PGCKA1: variants seen among roughly 807,000 people sequenced by gnomAD.
PGCKA1 encodes PDCD10 and GCKIII kinases-associated protein 1.
the PGCKA1 span, among the ~76,000 whole-genome samples, chr4:37,554,375 A>G: frequency 0.36 from 55,021 of 151,988 alleles, 10,393 homozygotes; most frequent in East Asian, 0.5. Flanking sequence ...ATTTAGAGGC[A>G]GAGTCTTGCT....
the PGCKA1 span, among the ~76,000 whole-genome samples, chr4:37,474,104 C>T: frequency 1.3e-5 from 2 of 152,134 alleles, no homozygotes; most frequent in Non-Finnish European, 2.9e-5. Flanking sequence ...ATTTAATCCT[C>T]AATGCAACAG....
the PGCKA1 span, among the ~76,000 whole-genome samples, chr4:37,556,441 G>C: frequency 1.5e-5 from 2 of 130,660 alleles, no homozygotes; most frequent in African/African-American, 3.1e-5. Context: ...TTAATTTTTT[G>C]TATTTTTAGT....
At chr4:37,478,351 G>T in the PGCKA1 span, among the ~76,000 whole-genome samples, 3 of 152,034 alleles carry the variant, frequency 2.0e-5, no homozygotes, top group Admixed American at 6.5e-5. Context: ...CTCTAGGCCC[G>T]GAGCCAGTTC....
chr4:37,520,787 T>G, the PGCKA1 span, among the ~76,000 whole-genome samples: 2 of 152,078 alleles, frequency 1.3e-5, no homozygotes, highest in South Asian at 4.2e-4. Flanking sequence ...CTGGCTAAAT[T>G]TTTGTATTTT....
chr4:37,463,862 A>C, the PGCKA1 span, among the ~76,000 whole-genome samples: 4 of 152,078 alleles, frequency 2.6e-5, no homozygotes, highest in Non-Finnish European at 5.9e-5. Context: ...CTGAAACTGC[A>C]ACCCTTGACA....
chr4:37,503,405 G>A, the PGCKA1 span, among the ~76,000 whole-genome samples: 1 of 152,158 alleles, frequency 6.6e-6, no homozygotes, highest in East Asian at 1.9e-4. Context: ...CTCAGTGACA[G>A]CTGTTCCACC....
At chr4:37,531,620 T>C in the PGCKA1 span, among the ~76,000 whole-genome samples, 1 of 151,674 alleles carries the variant, frequency 6.6e-6, no homozygotes, top group East Asian at 1.9e-4. Flanking sequence ...AGGTCGGGCA[T>C]GGTGGCTCAC....
the PGCKA1 span, among the ~76,000 whole-genome samples, chr4:37,580,925 G>A: frequency 6.6e-6 from 1 of 152,172 alleles, no homozygotes; most frequent in Admixed American, 6.5e-5. Context: ...CTATTCTACT[G>A]GGGCTGAGCT....
the PGCKA1 span, among the ~76,000 whole-genome samples, chr4:37,475,037 G>A: frequency 6.6e-6 from 1 of 152,108 alleles, no homozygotes; most frequent in African/African-American, 2.4e-5. Context: ...TGTCAGTTAT[G>A]GAAGGTACAT....
At chr4:37,586,917 C>CAAACA in the PGCKA1 span, among the ~76,000 whole-genome samples, 16 of 152,026 alleles carry the variant, frequency 1.1e-4, no homozygotes, top group African/African-American at 2.9e-4. Flanking sequence ...CTCAAAAAAA[C>CAAACA]AAACAAAACA....
chr4:37,509,953 GAGAGAGAGGGAGCGGGAGACC>G, the PGCKA1 span, among the ~76,000 whole-genome samples: 1 of 133,526 alleles, frequency 7.5e-6, no homozygotes. Flanking sequence ...GGAGACCGTG[GAGAGAGAGGGAGCGGGAGACC>G]GTGGGAGAGG....
chr4:37,557,847 C>A, the PGCKA1 span, among the ~76,000 whole-genome samples: 2 of 152,194 alleles, frequency 1.3e-5, no homozygotes, highest in Non-Finnish European at 2.9e-5. Flanking sequence ...AAACCCCAGC[C>A]TGATAAATGT....
At chr4:37,455,039 G>A in the PGCKA1 span, among the ~76,000 whole-genome samples, 1 of 152,118 alleles carries the variant, frequency 6.6e-6, no homozygotes, top group Non-Finnish European at 1.5e-5. Context: ...TTCTTGCCCT[G>A]GTTTGTGGAT....
chr4:37,515,394 G>A, the PGCKA1 span, among the ~76,000 whole-genome samples: 1 of 152,066 alleles, frequency 6.6e-6, no homozygotes, highest in African/African-American at 2.4e-5. Context: ...AGTCACAAAG[G>A]TCCACCCAAG....
chr4:37,553,626 C>T, the PGCKA1 span, among the ~76,000 whole-genome samples: 1 of 152,094 alleles, frequency 6.6e-6, no homozygotes, highest in South Asian at 2.1e-4. Context: ...CCATGATGTG[C>T]CAATGATTGC....
At chr4:37,507,434 G>GT in the PGCKA1 span, among the ~76,000 whole-genome samples, 1 of 151,710 alleles carries the variant, frequency 6.6e-6, no homozygotes, top group Non-Finnish European at 1.5e-5. Flanking sequence ...TATTTTTTGT[G>GT]TATCCATTGT....
At chr4:37,480,515 A>C in the PGCKA1 span, among the ~76,000 whole-genome samples, 10 of 152,284 alleles carry the variant, frequency 6.6e-5, no homozygotes, top group East Asian at 1.9e-4. Context: ...AACAAACAAA[A>C]AAAACTGAGA....
At chr4:37,480,989 C>G in the PGCKA1 span, among the ~76,000 whole-genome samples, 5 of 152,156 alleles carry the variant, frequency 3.3e-5, no homozygotes, top group Non-Finnish European at 5.9e-5. Flanking sequence ...TAATAATGTG[C>G]ACGTCAGCAC....
At chr4:37,477,061 A>T in the PGCKA1 span, among the ~76,000 whole-genome samples, 1,910 of 152,334 alleles carry the variant, frequency 0.013, 61 homozygotes, top group East Asian at 0.11. Context: ...CAAGGAAAAA[A>T]ACATACGTTT....
Sources: gnomAD v4.1 joint callset for allele counts (sites outside exome capture counted in the v4.1 genomes callset) on GRCh38, gnomAD v4.1.1 for gene constraint, MANE v1.5 for transcripts, NCBI Gene and HGNC (gene_info 2026-07-23, HGNC 2026-07-21) for gene names.